The following LRBA variants were observed in gnomAD, a reference collection of about 807,000 sequenced individuals.
LRBA encodes the protein lipopolysaccharide-responsive and beige-like anchor protein.
LRBA carries 176 observed loss-of-function variants against 330.0 expected under a neutral mutation model. That is an observed-to-expected ratio of 0.53 (90% CI 0.47 to 0.60). The LOEUF (loss-of-function observed/expected upper bound fraction) is 0.60. LRBA is among the 20% of genes least tolerant of loss of function. The probability of loss-of-function intolerance (pLI) is 0.00; values close to 1 mark genes in which losing one functional copy is unlikely to be tolerated. For synonymous variants in LRBA, 1,230 were observed against 1,193.0 expected (o/e 1.03, Z -0.64); for missense variants, 3,259 against 3,444.8 (o/e 0.95, Z 1.35).
At chr4:150,298,875 T>C (rs1200517505) in intron 53 of LRBA, among the ~76,000 whole-genome samples, 2 of 152,094 alleles carry the variant, frequency 1.3e-5, no homozygotes, top group Non-Finnish European at 2.9e-5. Flanking sequence ...ACCATTTGCT[T>C]CTGAAGCTGA....
rs540583368 is a variant in LRBA at position 150,634,008 on chromosome 4, G to A, written c.5922-34877C>T. The stretch of plus-strand genomic sequence containing the variant: ...CGGGTGCCTGTAATTCCAGTTACTC[G>A]GATGGCTGAGCCAGGAAAATCACCT... On this transcript the variant is annotated intron_variant, in intron 37 of 56. Transcript: ENST00000651943. Among the ~76,000 whole-genome samples, 12 of 152,156 alleles carry A rather than the reference G, an allele frequency of 7.9e-5. No individual in the cohort carries two copies. The South Asian group carries it at 1.9e-3, about 24-fold the overall frequency.
chr4:150,541,322 A>C (rs1023401328), intron 40 of LRBA, among the ~76,000 whole-genome samples: 9 of 152,198 alleles, frequency 5.9e-5, no homozygotes, highest in South Asian at 4.1e-4. Flanking sequence ...CTGGCAAAAA[A>C]TATACCTAAT....
At chr4:150,813,297 C>T (rs1333154195) in intron 31 of LRBA, among the ~76,000 whole-genome samples, 3 of 151,862 alleles carry the variant, frequency 2.0e-5, no homozygotes, top group Non-Finnish European at 4.4e-5. Flanking sequence ...TTTCGCTTTT[C>T]TTTGAAAACA....
intron 18 of LRBA, among the ~76,000 whole-genome samples, chr4:150,871,869 A>AT (rs1000432058): frequency 6.6e-6 from 1 of 152,162 alleles, no homozygotes; most frequent in South Asian, 2.1e-4. Flanking sequence ...ATGTAATATA[A>AT]TTTTTTAAAA....
intron 37 of LRBA, among the ~76,000 whole-genome samples, chr4:150,683,330 A>G (rs1783216796): frequency 6.6e-6 from 1 of 152,198 alleles, no homozygotes; most frequent in Non-Finnish European, 1.5e-5. Flanking sequence ...AAGATCCATA[A>G]TTGTACACAT....
chr4:150,997,520 A>G (rs1263693639), intron 2 of LRBA, among the ~76,000 whole-genome samples: 1 of 152,164 alleles, frequency 6.6e-6, no homozygotes, highest in Non-Finnish European at 1.5e-5. Context: ...CTTGTATTCA[A>G]TCTAAATGAC....
At chr4:150,624,309 TCA>T (rs962885950) in intron 37 of LRBA, among the ~76,000 whole-genome samples, 3 of 20,058 alleles carry the variant, frequency 1.5e-4, no homozygotes, top group Non-Finnish European at 5.0e-4. Flanking sequence ...TACCTCCCTA[TCA>T]AAAAAAAAAA....
chr4:150,276,891 G>A (rs1746852797), intron 56 of LRBA, among the ~76,000 whole-genome samples: 1 of 152,146 alleles, frequency 6.6e-6, no homozygotes, highest in Non-Finnish European at 1.5e-5. Context: ...TATAGAACCA[G>A]AAATACCATT....
rs563469680 is a variant in LRBA, at chr4:150,527,653, A to G, written c.6331-36618T>C. Among the ~76,000 whole-genome samples, 7 of 152,312 alleles carry G rather than the reference A, an allele frequency of 4.6e-5. No homozygotes were observed. In the South Asian group the frequency reaches 1.5e-3, roughly 32 times the overall value. On this transcript the variant is annotated intron_variant, in intron 40 of 56. Transcript: ENST00000651943. ...ATGGATGATAACTAAAATATACTGG[A>G]AACTGCTTATTTTTTTCTCAGCACT...
intron 20 of LRBA, 109 bp from the exon 21 acceptor site, chr4:150,868,414 C>T (rs1560939007): frequency 1.7e-6 from 1 of 579,402 alleles, no homozygotes; most frequent in Non-Finnish European, 2.8e-6. Flanking sequence ...AAATGTCTAC[C>T]AAAAACATCC....
In LRBA at chr4:151,014,436, G is replaced by A; in HGVS notation, c.207C>T (p.Val69=). 6.2e-7 allele frequency: 1 copy of A among 1,613,500 alleles called. No individual in the cohort carries two copies. The highest frequency in any genetic ancestry group is 8.5e-7 in the Non-Finnish European group (1 of 1,179,402). The change falls in exon 2 of 57, where the codon GTC becomes GTT. Residue 69 remains valine, a synonymous_variant. Transcript: ENST00000651943. ...EVSNRDIVET[V]FNLLVGGQFD... ...ATATTCATGGACTTACCAGGTTAAAGACAGTTTCTACAATATCCCTATTGG... is the reference window on the plus strand; with the variant it reads ...ATATTCATGGACTTACCAGGTTAAAAACAGTTTCTACAATATCCCTATTGG...
intron 47 of LRBA, among the ~76,000 whole-genome samples, chr4:150,410,933 A>G (rs1746902194): frequency 6.6e-6 from 1 of 152,202 alleles, no homozygotes; most frequent in Admixed American, 6.5e-5. Flanking sequence ...TTGACATTAT[A>G]TCATAAGAGA....
chr4:150,638,596 G>A (rs923961183), intron 37 of LRBA, among the ~76,000 whole-genome samples: 2 of 151,482 alleles, frequency 1.3e-5, no homozygotes, highest in African/African-American at 4.9e-5. Context: ...AAAAACACAT[G>A]AAAAAATGCT....
chr4:150,339,987 A>C (rs1335760248), intron 48 of LRBA, among the ~76,000 whole-genome samples: 2 of 151,752 alleles, frequency 1.3e-5, no homozygotes, highest in Non-Finnish European at 2.9e-5. Flanking sequence ...GGTTTCCCCC[A>C]TACTATTCTT....
At chr4:150,484,166 GGT>G (rs1246795592) in intron 42 of LRBA, among the ~76,000 whole-genome samples, 18 of 151,844 alleles carry the variant, frequency 1.2e-4, no homozygotes, top group African/African-American at 4.3e-4. Flanking sequence ...GTATGCATTT[GGT>G]GTTCAGGTAA....
At position 150,325,811 on chromosome 4, in the gene LRBA, C is replaced by A; in HGVS notation, c.7450G>T (p.Val2484Leu). 1.2e-6 allele frequency: 2 copies of A among 1,609,628 alleles called. No individual in the cohort carries two copies. The highest frequency in any genetic ancestry group is 1.1e-5 in the South Asian group (1 of 90,952). Residue 2484 changes from valine to leucine, a missense_variant and splice_region_variant, in exon 49 of 57, where the codon GTG becomes TTG. Physicochemically the swap from Val to Leu is conservative, Grantham distance 32. Transcript: ENST00000651943. The part of the protein sequence containing the change: ...PHPPRGSAMQ[V>L]SPLMFTDKAQ... ...AGGAGAGTAAAAATAGCACTTACCA[C>A]TTGCATGGCAGAACCTCTGGGAGGA...
chr4:150,546,392 C>A (rs1372173072), intron 40 of LRBA, among the ~76,000 whole-genome samples: 1 of 152,154 alleles, frequency 6.6e-6, no homozygotes, highest in African/African-American at 2.4e-5. Context: ...ATTAGCGCTG[C>A]CCCTTCTTTG....
At chr4:150,620,114 T>C (rs1195401463) in intron 37 of LRBA, among the ~76,000 whole-genome samples, 3 of 152,182 alleles carry the variant, frequency 2.0e-5, no homozygotes, top group Admixed American at 6.5e-5. Flanking sequence ...GGATCAAAAA[T>C]TACATCAGAG....
rs537955604 is a variant in LRBA at position 150,363,601 on chromosome 4, C to G, written c.7195-13442G>C. Among the ~76,000 whole-genome samples the G allele has an allele frequency of 5.3e-5, 8 of 152,252 alleles. No individual in the cohort carries two copies. The South Asian group carries it at 1.2e-3, about 24-fold the overall frequency. ...ACCATCTTTCTCACTGCTGTATAAC[C>G]AGTATGTAGTAGGTACTCACAAAAT... On this transcript the variant is annotated intron_variant, in intron 47 of 56. Coordinates refer to ENST00000651943, the MANE Select transcript of LRBA (RefSeq NM_001364905.1).
Sources: allele counts gnomAD v4.1 joint callset (sites outside exome capture counted in the v4.1 genomes callset), GRCh38; gene constraint gnomAD v4.1.1; transcripts MANE v1.5; gene names NCBI Gene and HGNC (gene_info 2026-07-23, HGNC 2026-07-21).